Variants in MC2R observed in about 807,000 individuals in gnomAD.
The protein encoded by MC2R is adrenocorticotropic hormone receptor.
Under a neutral mutation model 9.8 loss-of-function variants are expected in MC2R, and 9 were observed. That is an observed-to-expected ratio of 0.92 (90% CI 0.55 to 1.60). The LOEUF is 1.60. MC2R is among the 40% of genes most tolerant of loss of function. The pLI is 0.00. For synonymous variants in MC2R, 185 were observed against 154.7 expected (o/e 1.20, Z -1.45); for missense variants, 370 against 389.0 (o/e 0.95, Z 0.41).
chr18:13,897,679 G>A (rs573177449), intron 1 of MC2R, among the ~76,000 whole-genome samples: 1 of 152,100 alleles, frequency 6.6e-6, no homozygotes, highest in South Asian at 2.1e-4. Context: ...TTGGATATCA[G>A]CTCAACCACA....
At position 13,884,116 on chromosome 18, in the gene MC2R, A is replaced by G. The variant is rs1410319181; in HGVS notation, c.*509T>C. 5.6e-6 allele frequency: 1 copy of G among 177,090 alleles called. No homozygotes were observed. Among genetic ancestry groups the G allele is most frequent in the Non-Finnish European group, 1.2e-5 (1 of 82,020 alleles). The allele number at this position is 177,090 out of a possible 1,614,324, so 11.0% of individuals were successfully genotyped here. On this transcript the variant is annotated 3_prime_UTR_variant, in exon 2 of 2. Transcript: ENST00000327606. Reference sequence around the variant, plus strand: ...AGCAATGCATTCCTTCCAATTTATTATTGGCTTACAGAGACCCTACATCTT... The same window carrying G: ...AGCAATGCATTCCTTCCAATTTATTGTTGGCTTACAGAGACCCTACATCTT...
At chr18:13,909,883 G>A (rs1320596950) in intron 1 of MC2R, among the ~76,000 whole-genome samples, 5 of 152,208 alleles carry the variant, frequency 3.3e-5, no homozygotes, top group Non-Finnish European at 7.3e-5. Context: ...ACCAAGATCA[G>A]AGTGCTCAAT....
At chr18:13,904,322 A>C (rs1424319491) in intron 1 of MC2R, among the ~76,000 whole-genome samples, 5 of 149,752 alleles carry the variant, frequency 3.3e-5, no homozygotes, top group Non-Finnish European at 5.9e-5. Flanking sequence ...CAGAGTTTGC[A>C]GTGAGCTGAG....
chr18:13,913,925 C>T (rs1028045040), intron 1 of MC2R, among the ~76,000 whole-genome samples: 4 of 152,132 alleles, frequency 2.6e-5, no homozygotes, highest in African/African-American at 7.2e-5. Flanking sequence ...ACAACCTGGC[C>T]CACAGCAATT....
rs193105394 is a variant in MC2R at position 13,900,898 on chromosome 18, C to A, written c.-129+14590G>T. Among the ~76,000 whole-genome samples, 1,128 of 152,130 alleles carry A rather than the reference C, an allele frequency of 7.4e-3. 8 individuals are homozygous for A. Among genetic ancestry groups the A allele is most frequent in the Non-Finnish European group, 0.011 (780 of 67,930 alleles). ...TAACCTGCAGTATATACCAAATGAA[C>A]CTAATAGATATTTACAAAACATTTC... On this transcript the variant is annotated intron_variant, in intron 1 of 1. Transcript: ENST00000327606.
At chr18:13,886,850 C>T (rs2045279475) in intron 1 of MC2R, among the ~76,000 whole-genome samples, 1 of 152,118 alleles carries the variant, frequency 6.6e-6, no homozygotes, top group Non-Finnish European at 1.5e-5. Flanking sequence ...CCATCACGGC[C>T]TCACTCTAGG....
In MC2R at chr18:13,886,312, A is replaced by T. The variant is rs2045275808; in HGVS notation, c.-128-666T>A. ...GAGAAAAAGCTTTAGTGGAATTTTG[A>T]GCCGAGAGATGATAGCAAAGATTAT... On this transcript the variant is annotated intron_variant, in intron 1 of 1. Transcript: ENST00000327606. 2.6e-5 allele frequency among the ~76,000 whole-genome samples: 4 copies of T among 152,370 alleles called. No individual in the cohort carries two copies. The South Asian group carries it at 8.3e-4, about 32-fold the overall frequency.
intron 1 of MC2R, among the ~76,000 whole-genome samples, chr18:13,890,790 G>T (rs546493485): frequency 7.9e-5 from 12 of 152,216 alleles, no homozygotes; most frequent in African/African-American, 2.4e-4. Flanking sequence ...TCAGAAGTCC[G>T]GTCTCCTTCT....
chr18:13,901,974 C>T (rs2045382791), intron 1 of MC2R, among the ~76,000 whole-genome samples: 2 of 151,918 alleles, frequency 1.3e-5, no homozygotes, highest in African/African-American at 2.4e-5. Context: ...AAATCCATCC[C>T]CCCCACCGAC....
At chr18:13,908,083 T>C (rs1416657227) in intron 1 of MC2R, among the ~76,000 whole-genome samples, 3 of 152,206 alleles carry the variant, frequency 2.0e-5, no homozygotes, top group Non-Finnish European at 4.4e-5. Flanking sequence ...TGTACTACCA[T>C]GTTTATTGCA....
At chr18:13,888,928 C>T (rs2045295841) in intron 1 of MC2R, among the ~76,000 whole-genome samples, 1 of 152,188 alleles carries the variant, frequency 6.6e-6, no homozygotes, top group Non-Finnish European at 1.5e-5. Context: ...CCATTCAAAG[C>T]CGTCTGCTGT....
At chr18:13,899,337 T>TA (rs553003262) in intron 1 of MC2R, among the ~76,000 whole-genome samples, 3 of 151,086 alleles carry the variant, frequency 2.0e-5, no homozygotes, top group Non-Finnish European at 4.4e-5. Context: ...GAAAAAAGAA[T>TA]AAAAAAAATG....
intron 1 of MC2R, among the ~76,000 whole-genome samples, chr18:13,915,063 A>G (rs2045468382): frequency 6.6e-6 from 1 of 152,184 alleles, no homozygotes; most frequent in Non-Finnish European, 1.5e-5. Context: ...AAGCTGCCGC[A>G]TGCCCACGTC....
In MC2R at chr18:13,885,438, C is replaced by G. The variant is rs774058197; in HGVS notation, c.81G>C (p.Pro27=). Residue 27 remains proline (P), a synonymous_variant, in exon 2 of 2, where the codon CCG becomes CCC. Coordinates refer to ENST00000327606, the MANE Select transcript of MC2R (RefSeq NM_000529.2). ...NNSDCPRVVL[P]EEIFFTISIV... ...TGGAAATTGTGAAAAATATCTCCTC[C>G]GGCAAAACCACACGAGGACAGTCGG... is the stretch of plus-strand genomic sequence containing the variant. The G allele has an allele frequency of 6.2e-7, 1 of 1,614,002 alleles. No individual in the cohort carries two copies. Among genetic ancestry groups the G allele is most frequent in the South Asian group, 1.1e-5 (1 of 91,070 alleles).
At chr18:13,886,249 T>C (rs1480573286) in intron 1 of MC2R, among the ~76,000 whole-genome samples, 1 of 152,216 alleles carries the variant, frequency 6.6e-6, no homozygotes. Context: ...GTAATTTAGG[T>C]AAAATAATAT....
chr18:13,893,952 A>AT (rs546178573), intron 1 of MC2R, among the ~76,000 whole-genome samples: 67 of 152,362 alleles, frequency 4.4e-4, no homozygotes, highest in African/African-American at 1.5e-3. Context: ...CCTAAGCAAT[A>AT]TTACATTGGA....
chr18:13,897,235 TTGAACTCAG>T (rs1322007744), intron 1 of MC2R, among the ~76,000 whole-genome samples: 1 of 152,148 alleles, frequency 6.6e-6, no homozygotes, highest in Non-Finnish European at 1.5e-5. Context: ...TTGTGAAACA[TTGAACTCAG>T]TGGTGTCTTA....
At position 13,884,353 on chromosome 18, in the gene MC2R, C is replaced by A; in HGVS notation, c.*272G>T. ...GGTCATTGAAAGTAATGGCAAAAAC[C>A]TTAATTACTTTTGTACCTACCTAAT... is the stretch of plus-strand genomic sequence containing the variant. On this transcript the variant is annotated 3_prime_UTR_variant, in exon 2 of 2. Transcript: ENST00000327606. The A allele has an allele frequency of 2.0e-6, 1 of 499,764 alleles. No homozygotes were observed. The highest frequency in any genetic ancestry group is 3.6e-6 in the Non-Finnish European group (1 of 275,460). 31.0% of individuals were successfully genotyped at this position (499,764 alleles called of 1,614,324 possible).
intron 1 of MC2R, among the ~76,000 whole-genome samples, chr18:13,913,884 C>T (rs1221035705): frequency 6.6e-6 from 1 of 152,136 alleles, no homozygotes; most frequent in Non-Finnish European, 1.5e-5. Flanking sequence ...ATAAGACCTG[C>T]CCTGACCATG....
Sources: gnomAD v4.1 joint callset for allele counts (sites outside exome capture counted in the v4.1 genomes callset) on GRCh38, gnomAD v4.1.1 for gene constraint, MANE v1.5 for transcripts, NCBI Gene and HGNC (gene_info 2026-07-23, HGNC 2026-07-21) for gene names.